The following WNT7B variants were observed in gnomAD, a reference collection of about 807,000 sequenced individuals.
WNT7B encodes Wnt family member 7B.
WNT7B carries 19 observed loss-of-function variants against 38.2 expected under a neutral mutation model. The ratio of observed to expected loss-of-function variants is 0.50; its 90% confidence interval spans 0.35 to 0.73. The LOEUF is 0.73. WNT7B is among the 30% of genes least tolerant of loss of function. WNT7B has a pLI of 0.01. For missense variants in WNT7B, 423 were observed against 507.9 expected, an observed-to-expected ratio of 0.83 and a Z score of 1.61; for synonymous variants, 243 against 209.3, an observed-to-expected ratio of 1.16 and a Z score of -1.39.
At chr22:45,953,494 G>A (rs1022400841) in intron 1 of WNT7B, among the ~76,000 whole-genome samples, 1 of 152,188 alleles carries the variant, frequency 6.6e-6, no homozygotes, top group Non-Finnish European at 1.5e-5. Context: ...ATGAGTAAAT[G>A]AACAAGTCAG....
chr22:45,949,781 G>A lies in WNT7B; in HGVS notation c.298+139C>T, dbSNP rs552920831. On this transcript the variant is annotated intron_variant, in intron 2 of 3. Coordinates refer to ENST00000339464, the MANE Select transcript of WNT7B (RefSeq NM_058238.3). Reference sequence around the variant, plus strand: ...CTAGGGCCAGGCCAGGCACGCAGAAGGGCTCACAGGAAGGCAAAGAAATTG... The same window carrying A: ...CTAGGGCCAGGCCAGGCACGCAGAAAGGCTCACAGGAAGGCAAAGAAATTG... The A allele has an allele frequency of 5.9e-5, 48 of 809,920 alleles. No individual in the cohort carries two copies. The South Asian group carries it at 8.0e-4, about 13-fold the overall frequency. 50.2% of individuals were successfully genotyped at this position (809,920 alleles called of 1,614,324 possible).
At chr22:45,954,023 C>A (rs1932001049) in intron 1 of WNT7B, among the ~76,000 whole-genome samples, 1 of 152,174 alleles carries the variant, frequency 6.6e-6, no homozygotes, top group Non-Finnish European at 1.5e-5. Flanking sequence ...CTGTCAACAG[C>A]TGAGTGGATA....
intron 2 of WNT7B, among the ~76,000 whole-genome samples, chr22:45,948,151 G>A (rs1447696072): frequency 6.6e-6 from 1 of 152,228 alleles, no homozygotes; most frequent in Non-Finnish European, 1.5e-5. Context: ...ACTCCCCGGG[G>A]GCTCGGCCGG....
chr22:45,939,137 A>AC (rs1190937370), intron 2 of WNT7B, among the ~76,000 whole-genome samples: 1 of 152,158 alleles, frequency 6.6e-6, no homozygotes. Context: ...AGAAATGGGG[A>AC]CCCCTGTATG....
intron 2 of WNT7B, among the ~76,000 whole-genome samples, chr22:45,942,962 T>G (rs1414365184): frequency 6.8e-6 from 1 of 148,038 alleles, no homozygotes; most frequent in Admixed American, 6.6e-5. Context: ...GCAGTGTGCA[T>G]GTGTGTGTGC....
chr22:45,967,917 C>A (rs879364064), intron 1 of WNT7B, among the ~76,000 whole-genome samples: 1 of 152,128 alleles, frequency 6.6e-6, no homozygotes, highest in Non-Finnish European at 1.5e-5. Flanking sequence ...GATTCCACTC[C>A]CCGTGGGACT....
intron 3 of WNT7B, among the ~76,000 whole-genome samples, chr22:45,923,729 C>G (rs1930997844): frequency 6.6e-6 from 1 of 152,148 alleles, no homozygotes; most frequent in African/African-American, 2.4e-5. Context: ...GTAGGCCCAG[C>G]AACAGTAGGT....
At chr22:45,943,107 ATGTGTG>A (rs949993971) in intron 2 of WNT7B, among the ~76,000 whole-genome samples, 1 of 151,794 alleles carries the variant, frequency 6.6e-6, no homozygotes, top group Non-Finnish European at 1.5e-5. Context: ...GTGTGTGTGC[ATGTGTG>A]TGTGTGCCAG....
At position 45,966,855 on chromosome 22, in the gene WNT7B, A is replaced by G. The variant is rs184190500; in HGVS notation, c.71+9829T>C. Among the ~76,000 whole-genome samples, 1 of 152,312 alleles carries G rather than the reference A, an allele frequency of 6.6e-6. No individual in the cohort carries two copies. Among genetic ancestry groups the G allele is most frequent in the Admixed American group, 6.5e-5 (1 of 15,302 alleles). On this transcript the variant is annotated intron_variant, in intron 1 of 3. Transcript: ENST00000339464. The surrounding 1 kb of genome is among the most constrained non-coding windows in gnomAD (Gnocchi z 4.2). ...GCCAACCACTCCACCGGCTGCTTGC[A>G]CAGAGAACCTGTGAGCGCTGCTTCT... is the stretch of plus-strand genomic sequence containing the variant.
intron 1 of WNT7B, among the ~76,000 whole-genome samples, chr22:45,955,896 A>G (rs905985955): frequency 2.0e-5 from 3 of 152,194 alleles, no homozygotes; most frequent in African/African-American, 4.8e-5. Context: ...CCTGAGGTGC[A>G]TCCTGGCGCA....
intron 3 of WNT7B, among the ~76,000 whole-genome samples, chr22:45,929,946 A>T (rs977032762): frequency 1.3e-5 from 2 of 151,214 alleles, no homozygotes; most frequent in Non-Finnish European, 3.0e-5. Context: ...TCATCCTTCC[A>T]TCCATCCACT....
At position 45,975,596 on chromosome 22, in the gene WNT7B, C is replaced by T. The variant is rs545862642; in HGVS notation, c.71+1088G>A. 37 of 716,594 alleles carry T rather than the reference C, an allele frequency of 5.2e-5. No individual in the cohort carries two copies. The East Asian group carries it at 9.7e-4, about 19-fold the overall frequency. The allele number at this position is 716,594 out of a possible 1,614,324, so 44.4% of individuals were successfully genotyped here. ...ATGGAGGGTGATGGAGAGACGATTC[C>T]CAGCGCCTGCTTCCACCTCTCCGCC... On this transcript the variant is annotated intron_variant, in intron 1 of 3. Transcript: ENST00000339464. The surrounding 1 kb of genome is among the most constrained non-coding windows in gnomAD (Gnocchi z 6.6).
At chr22:45,928,935 C>T (rs112033917) in intron 3 of WNT7B, among the ~76,000 whole-genome samples, 103 of 152,078 alleles carry the variant, frequency 6.8e-4, no homozygotes, top group Middle Eastern at 3.4e-3. Flanking sequence ...TGCTCTTGCC[C>T]GCATCTCTGC....
intron 2 of WNT7B, among the ~76,000 whole-genome samples, chr22:45,934,037 T>C (rs1217808984): frequency 6.6e-6 from 1 of 152,218 alleles, no homozygotes; most frequent in Non-Finnish European, 1.5e-5. Context: ...GCTCTCCACA[T>C]GCGCCGGGCG....
intron 1 of WNT7B, chr22:45,954,870 G>GGAT: frequency 3.3e-6 from 2 of 609,474 alleles, no homozygotes; most frequent in Non-Finnish European, 4.1e-6. Context: ...TGCTAGGTGA[G>GGAT]TGGTGCCATC....
chr22:45,925,242 G>A, intron 3 of WNT7B: 1 of 984,442 alleles, frequency 1.0e-6, no homozygotes, highest in Non-Finnish European at 1.2e-6. Flanking sequence ...GGTGGGTGCT[G>A]TGTGGGCCCT....
Position 45,976,606 on chromosome 22 carries a change from C to T in WNT7B, c.71+78G>A. 1 of 1,494,050 alleles carries T rather than the reference C, an allele frequency of 6.7e-7. No individual in the cohort carries two copies. The highest frequency in any genetic ancestry group is 1.2e-5 in the South Asian group (1 of 84,060). 92.5% of individuals were successfully genotyped at this position (1,494,050 alleles called of 1,614,324 possible). A position where few individuals can be genotyped will look rare whatever the true frequency, so the allele number is the denominator to read the frequency against. ...AGTGGCCCCCTCCAGTCCCCACGTC[C>T]CCACGGGGACGCCCCGGAGGCAGCT... On this transcript the variant is annotated intron_variant, in intron 1 of 3. Coordinates refer to ENST00000339464, the MANE Select transcript of WNT7B (RefSeq NM_058238.3). This position sits in a 1 kb window ranked among gnomAD's most constrained non-coding sequence, Gnocchi z 8.5.
chr22:45,944,997 G>A (rs571918118), intron 2 of WNT7B, among the ~76,000 whole-genome samples: 138 of 152,296 alleles, frequency 9.1e-4, no homozygotes, highest in African/African-American at 3.1e-3. Flanking sequence ...GTGCAGCACC[G>A]CTCAACGGAA....
At position 45,922,563 on chromosome 22, in the gene WNT7B, AAG is replaced by A. The variant is rs1930958238; in HGVS notation, c.*291_*292del. The stretch of plus-strand genomic sequence containing the variant: ...GACGTTCATTTTCCCAGAGAGAAGA[AAG>A]AGAACTTGCCGGGCCCCGTCGGGGA... On this transcript the variant is annotated 3_prime_UTR_variant, in exon 4 of 4. Transcript: ENST00000339464. 1 of 442,036 alleles carries A rather than the reference AAG, an allele frequency of 2.3e-6. No individual in the cohort carries two copies. The highest frequency in any genetic ancestry group is 4.1e-6 in the Non-Finnish European group (1 of 246,754). The allele number at this position is 442,036 out of a possible 1,614,324, so 27.4% of individuals were successfully genotyped here.
Sources: allele counts gnomAD v4.1 joint callset (sites outside exome capture counted in the v4.1 genomes callset), GRCh38; gene constraint gnomAD v4.1.1; non-coding constraint Gnocchi (gnomAD v3.1); transcripts MANE v1.5; gene names NCBI Gene and HGNC (gene_info 2026-07-23, HGNC 2026-07-21).